CAST: variants seen among roughly 807,000 people sequenced by gnomAD.
CAST encodes MIR583 host.
Under a neutral mutation model 119.6 loss-of-function variants are expected in CAST, and 76 were observed. The observed-to-expected ratio is 0.64, with a 90% CI of 0.53 to 0.77. The LOEUF (loss-of-function observed/expected upper bound fraction) is 0.77, where lower values mean the gene tolerates loss of function less well. Among genes scored for constraint, CAST ranks in the 30% least tolerant of loss-of-function variants. The probability of loss-of-function intolerance (pLI) is 0.00; values close to 1 mark genes in which losing one functional copy is unlikely to be tolerated. For missense variants in CAST, 953 were observed against 946.5 expected (o/e 1.01, Z -0.09); for synonymous variants, 319 against 331.6 (o/e 0.96, Z 0.41).
chr5:96,470,309 A>G, the CAST span, among the ~76,000 whole-genome samples: 12 of 152,154 alleles, frequency 7.9e-5, no homozygotes, highest in Non-Finnish European at 1.5e-4. Context: ...AAGGTTAGTC[A>G]TTACAAAAAT....
intron 9 of CAST, 83 bp from the exon 10 acceptor site, chr5:96,736,089 T>G: frequency 1.2e-6 from 1 of 811,530 alleles, no homozygotes; most frequent in South Asian, 1.6e-5. Context: ...CTTGTTAATA[T>G]AATGAATTTA....
rs145311971 is a variant in CAST, at chr5:96,732,830, A to T, written c.630+1970A>T. 8.3e-3 allele frequency among the ~76,000 whole-genome samples: 1,264 copies of T among 152,326 alleles called. 6 individuals carry two copies. The highest frequency in any genetic ancestry group is 0.013 in the Non-Finnish European group (864 of 68,024). ...AACGTTAGACCTAAAAGCAATATAGAATTAGTAATCAGTTTGGAGAGCATG... is the reference window on the plus strand; with the variant it reads ...AACGTTAGACCTAAAAGCAATATAGTATTAGTAATCAGTTTGGAGAGCATG... On this transcript the variant is annotated intron_variant, in intron 9 of 31. Coordinates refer to ENST00000675179, the MANE Select transcript of CAST (RefSeq NM_001750.7).
At chr5:96,313,355 G>A in the CAST span, among the ~76,000 whole-genome samples, 17 of 152,046 alleles carry the variant, frequency 1.1e-4, no homozygotes, top group Non-Finnish European at 2.1e-4. Flanking sequence ...TCCACTTCCA[G>A]ACACTGGCAA....
the CAST span, among the ~76,000 whole-genome samples, chr5:96,428,510 G>A: frequency 6.6e-6 from 1 of 152,018 alleles, no homozygotes; most frequent in East Asian, 1.9e-4. Context: ...AAAATCAATA[G>A]GTACATTAGC....
At chr5:96,289,442 T>C in the CAST span, among the ~76,000 whole-genome samples, 1 of 152,132 alleles carries the variant, frequency 6.6e-6, no homozygotes, top group Non-Finnish European at 1.5e-5. Context: ...GGGGGCGGTT[T>C]CCCTGAATAC....
the CAST span, among the ~76,000 whole-genome samples, chr5:95,969,636 G>GTTGGCTGAT: frequency 6.6e-6 from 1 of 152,118 alleles, no homozygotes; most frequent in Non-Finnish European, 1.5e-5. Context: ...TGAAGGTAGA[G>GTTGGCTGAT]TTGGCTGATT....
chr5:96,184,829 T>A, the CAST span, among the ~76,000 whole-genome samples: 1 of 152,216 alleles, frequency 6.6e-6, no homozygotes, highest in Non-Finnish European at 1.5e-5. Flanking sequence ...CATGCATGTA[T>A]CTTTATAACA....
the CAST span, among the ~76,000 whole-genome samples, chr5:95,971,788 T>C: frequency 6.6e-6 from 1 of 152,166 alleles, no homozygotes; most frequent in Admixed American, 6.6e-5. Context: ...ACCCGTAGTT[T>C]GTTCCTTTTT....
At chr5:96,430,751 G>A in the CAST span, among the ~76,000 whole-genome samples, 2 of 152,096 alleles carry the variant, frequency 1.3e-5, no homozygotes, top group African/African-American at 4.8e-5. Context: ...TGTTAGTAAT[G>A]CCATCTTAAC....
the CAST span, among the ~76,000 whole-genome samples, chr5:96,028,446 T>C: frequency 1.3e-5 from 2 of 152,134 alleles, no homozygotes; most frequent in East Asian, 1.9e-4. Context: ...AGCTTAATGA[T>C]GTATTTCATG....
chr5:96,499,029 GAAAAAA>G, the CAST span, among the ~76,000 whole-genome samples: 3 of 109,760 alleles, frequency 2.7e-5, no homozygotes, highest in African/African-American at 6.1e-5. Flanking sequence ...CATTGTGCAG[GAAAAAA>G]AAAAAAAAAG....
chr5:96,280,570 G>T, the CAST span, among the ~76,000 whole-genome samples: 18 of 152,162 alleles, frequency 1.2e-4, no homozygotes, highest in African/African-American at 3.6e-4. Flanking sequence ...ACACCAACAT[G>T]ACTTTGGGTA....
the CAST span, among the ~76,000 whole-genome samples, chr5:96,256,159 A>G: frequency 2.0e-5 from 3 of 149,926 alleles, no homozygotes; most frequent in South Asian, 2.1e-4. Context: ...TAATCAAGGC[A>G]GAACTGTATA....
the CAST span, among the ~76,000 whole-genome samples, chr5:96,409,946 G>A: frequency 6.6e-6 from 1 of 152,142 alleles, no homozygotes; most frequent in Non-Finnish European, 1.5e-5. Flanking sequence ...AATCTTGCAC[G>A]CATTCCAAGG....
At chr5:96,617,709 G>A (rs761063184) in intron 1 of CAST, among the ~76,000 whole-genome samples, 4 of 145,110 alleles carry the variant, frequency 2.8e-5, no homozygotes, top group Non-Finnish European at 4.5e-5. Flanking sequence ...GGATAATGGC[G>A]TGAACCCGGG....
intron 1 of CAST, among the ~76,000 whole-genome samples, chr5:96,548,245 C>T (rs530615642): frequency 1.3e-5 from 2 of 152,272 alleles, no homozygotes; most frequent in South Asian, 2.1e-4. Flanking sequence ...AAGACTCAGA[C>T]CCCTTTTTAA....
chr5:96,439,269 C>T, the CAST span, among the ~76,000 whole-genome samples: 1 of 151,980 alleles, frequency 6.6e-6, no homozygotes, highest in Non-Finnish European at 1.5e-5. Flanking sequence ...TCAAAAACTA[C>T]AAAGAAGGGA....
the CAST span, among the ~76,000 whole-genome samples, chr5:96,421,108 A>C: frequency 6.6e-6 from 1 of 152,208 alleles, no homozygotes; most frequent in Admixed American, 6.5e-5. Flanking sequence ...GAGGGTCCAC[A>C]TGCCTAGAGC....
At chr5:96,012,877 C>T in the CAST span, among the ~76,000 whole-genome samples, 911 of 152,226 alleles carry the variant, frequency 6.0e-3, 9 homozygotes, top group African/African-American at 0.021. Context: ...CATTAGCTAC[C>T]TTGTGCCTCT....
Sources: allele counts gnomAD v4.1 joint callset (sites outside exome capture counted in the v4.1 genomes callset), GRCh38; gene constraint gnomAD v4.1.1; transcripts MANE v1.5; gene names NCBI Gene and HGNC (gene_info 2026-07-23, HGNC 2026-07-21).